The following HNRNPU variants were observed in gnomAD, a reference collection of about 807,000 sequenced individuals.
HNRNPU encodes heterogeneous nuclear ribonucleoprotein U, also known as HNRNPU antisense RNA 1.
In HNRNPU, 5 loss-of-function variants were observed where a neutral mutation model predicts 94.7. The observed-to-expected ratio is 0.05, with a 90% CI of 0.03 to 0.11. HNRNPU has a LOEUF of 0.11. HNRNPU is among the 10% of genes least tolerant of loss of function. HNRNPU has a pLI of 1.00. For missense variants in HNRNPU, 710 were observed against 1,049.2 expected (o/e 0.68, Z 4.47); for synonymous variants, 434 against 381.6 (o/e 1.14, Z -1.60).
intron 11 of HNRNPU, 117 bp from the exon 12 acceptor site, chr1:244,855,725 A>G: frequency 7.5e-7 from 1 of 1,325,368 alleles, no homozygotes; most frequent in Non-Finnish European, 1.0e-6. Flanking sequence ...AAGACAAAAG[A>G]AATGTTTAAT....
chr1:244,856,304 T>C, intron 10 of HNRNPU, 146 bp from the exon 11 acceptor site: 1 of 1,150,992 alleles, frequency 8.7e-7, no homozygotes. Context: ...CAACTGCAAT[T>C]TTAATTCCTG....
Position 244,853,496 on chromosome 1 carries a change from T to G in HNRNPU, c.*954A>C, listed in dbSNP as rs998164647. 1.3e-5 allele frequency: 2 copies of G among 152,564 alleles called. No homozygotes were observed. The highest frequency in any genetic ancestry group is 2.9e-5 in the Non-Finnish European group (2 of 67,996). 9.5% of individuals were successfully genotyped at this position (152,564 alleles called of 1,614,324 possible). A position where few individuals can be genotyped will look rare whatever the true frequency, so the allele number is the denominator to read the frequency against. On this transcript the variant is annotated 3_prime_UTR_variant, in exon 14 of 14. Coordinates refer to ENST00000640218, the MANE Select transcript of HNRNPU (RefSeq NM_031844.3). ...GCTAAGGAGATACCCATTCAAGAAC[T>G]GACATGATTAAAAATTAAGATATAA...
intron 6 of HNRNPU, 111 bp downstream of exon 6, chr1:244,858,618 G>C (rs1211952370): frequency 4.4e-6 from 3 of 676,614 alleles, no homozygotes; most frequent in Non-Finnish European, 7.9e-6. Context: ...TCCAGGGACT[G>C]GTGTATTTTG....
In HNRNPU at chr1:244,863,684, C is replaced by T. The variant is rs1372261485; in HGVS notation, c.624G>A (p.Gln208=). 1.2e-5 allele frequency: 18 copies of T among 1,563,940 alleles called. No homozygotes were observed. The highest frequency in any genetic ancestry group is 1.5e-5 in the Non-Finnish European group (17 of 1,164,544). Residue 208 remains glutamine (Q), a synonymous_variant, in exon 1 of 14, where the codon CAG becomes CAA. Coordinates refer to ENST00000640218, the MANE Select transcript of HNRNPU (RefSeq NM_031844.3). ...VAPPGARQGQ[Q]QAGGKKKAEG... Reference sequence around the variant, plus strand: ...CCGCCTTCTTCTTACCTCCCGCCTGCTGCTGGCCCTGCCTCGCCCCGGGCG... The same window carrying T: ...CCGCCTTCTTCTTACCTCCCGCCTGTTGCTGGCCCTGCCTCGCCCCGGGCG...
At chr1:244,859,446 T>C (rs1006931861) in intron 4 of HNRNPU, 72 bp from the exon 5 acceptor site, 11 of 741,294 alleles carry the variant, frequency 1.5e-5, no homozygotes, top group African/African-American at 3.5e-5. Context: ...GCATATTTCA[T>C]TGCGCCACGG....
rs777962801 is a variant in HNRNPU at position 244,858,776 on chromosome 1, C to G, written c.1183G>C (p.Asp395His). Residue 395 changes from aspartate (D) to histidine (H), a missense_variant, in exon 6 of 14, where the codon GAT becomes CAT. Around this residue, in one of 8 missense-constraint regions of HNRNPU, gnomAD observed 150 missense variants for 187.9 expected, o/e 0.80. Transcript: ENST00000640218. ...TTTTCATCAAACTTTTCTCCATAAT[C>G]TTCAGTCTCACAGTTGCATGTTTTT... ...GIKTCNCETE[D>H]YGEKFDENDV... 4.4e-5 allele frequency: 70 copies of G among 1,599,450 alleles called. No individual in the cohort carries two copies. The highest frequency in any genetic ancestry group is 5.9e-5 in the Non-Finnish European group (69 of 1,167,388).
chr1:244,852,140 T>C lies in HNRNPU; in HGVS notation c.*2310A>G, dbSNP rs928870559. On this transcript the variant is annotated 3_prime_UTR_variant, in exon 14 of 14. Transcript: ENST00000640218. ...TAAATCAGGTTTCTCGTTCGTATCTTACTTCTTACCTAATTTTCTCCCTGT... is the reference window on the plus strand; with the variant it reads ...TAAATCAGGTTTCTCGTTCGTATCTCACTTCTTACCTAATTTTCTCCCTGT... 4 of 152,234 alleles carry C rather than the reference T, an allele frequency of 2.6e-5. No individual in the cohort carries two copies. The highest frequency in any genetic ancestry group is 4.4e-5 in the Non-Finnish European group (3 of 68,038). 9.4% of individuals were successfully genotyped at this position (152,234 alleles called of 1,614,324 possible).
chr1:244,860,068 A>AC, intron 4 of HNRNPU: 1 of 351,402 alleles, frequency 2.8e-6, no homozygotes, highest in East Asian at 4.8e-5. Flanking sequence ...TGGGACGCCG[A>AC]GACAGTGGAT....
Position 244,850,602 on chromosome 1 carries a change from G to A in HNRNPU, c.*3848C>T, listed in dbSNP as rs1039056693. The A allele has an allele frequency of 5.3e-5, 8 of 152,156 alleles. No individual in the cohort carries two copies. Among genetic ancestry groups the A allele is most frequent in the Middle Eastern group, 3.4e-3 (1 of 294 alleles). 9.4% of individuals were successfully genotyped at this position (152,156 alleles called of 1,614,324 possible). On this transcript the variant is annotated 3_prime_UTR_variant, in exon 14 of 14. Transcript: ENST00000640218. ...ATTAGTAATTCAAATTACTGTTTTA[G>A]AGATCTCAGGTAGTTAACCAATTCT...
In HNRNPU at chr1:244,851,208, T is replaced by C. The variant is rs890820927; in HGVS notation, c.*3242A>G. 6 of 152,234 alleles carry C rather than the reference T, an allele frequency of 3.9e-5. No individual in the cohort carries two copies. In the East Asian group the frequency reaches 1.2e-3, roughly 29 times the overall value. The allele number at this position is 152,234 out of a possible 1,614,324, so 9.4% of individuals were successfully genotyped here. ...ATTTATTATATCCAATGCTAAACACTACCACTTGGACTCTAAGATATGTTT... is the reference window on the plus strand; with the variant it reads ...ATTTATTATATCCAATGCTAAACACCACCACTTGGACTCTAAGATATGTTT... On this transcript the variant is annotated 3_prime_UTR_variant, in exon 14 of 14. Transcript: ENST00000640218.
At chr1:244,863,432 A>G (rs1270712324) in intron 1 of HNRNPU, among the ~76,000 whole-genome samples, 185 bp downstream of exon 1, 13 of 140,886 alleles carry the variant, frequency 9.2e-5, no homozygotes, top group East Asian at 4.6e-4. Context: ...GCGCGCGCGC[A>G]CACACACGCC....
At chr1:244,855,169 A>C (rs1042832992) in intron 12 of HNRNPU, 125 bp from the exon 13 acceptor site, 1 of 787,558 alleles carries the variant, frequency 1.3e-6, no homozygotes, top group African/African-American at 1.7e-5. Context: ...AGCAATACAC[A>C]AATTCTGGAT....
At position 244,860,254 on chromosome 1, in the gene HNRNPU, T is replaced by G. The variant is rs903324149; in HGVS notation, c.1017+81A>C. ...ACGCGGAGGTTGCAGTGAGCCTAGGTCGCACCACGGCAATCCAGCCTAGGG... is the reference window on the plus strand; with the variant it reads ...ACGCGGAGGTTGCAGTGAGCCTAGGGCGCACCACGGCAATCCAGCCTAGGG... On this transcript the variant is annotated intron_variant, in intron 4 of 13. Coordinates refer to ENST00000640218, the MANE Select transcript of HNRNPU (RefSeq NM_031844.3). The G allele has an allele frequency of 5.5e-6, 7 of 1,274,468 alleles. No individual in the cohort carries two copies. In the Admixed American group the frequency reaches 1.3e-4, roughly 24 times the overall value. The allele number at this position is 1,274,468 out of a possible 1,614,324, so 78.9% of individuals were successfully genotyped here. A position where few individuals can be genotyped will look rare whatever the true frequency, so the allele number is the denominator to read the frequency against.
Position 244,864,373 on chromosome 1 carries a change from GGCGGCTGCT to G in HNRNPU, c.-75_-67del. 6 of 1,588,008 alleles carry G rather than the reference GGCGGCTGCT, an allele frequency of 3.8e-6. No individual in the cohort carries two copies. Among genetic ancestry groups the G allele is most frequent in the African/African-American group, 1.4e-5 (1 of 72,982 alleles). ...CGGCTCCGCTCACTCGGCCACTGGT[GGCGGCTGCT>G]GCGGCTGCTCCTCGGCCCGGGCGGC... On this transcript the variant is annotated 5_prime_UTR_variant, in exon 1 of 14. Transcript: ENST00000640218.
chr1:244,856,013 G>A lies in HNRNPU; in HGVS notation c.2058C>T (p.Gly686=). The change falls in exon 11 of 14, where the codon GGC becomes GGT. Residue 686 remains glycine (G), a synonymous_variant. Transcript: ENST00000640218. ...ALPPEKKQNT[G]SKKSNKNKSG... is the part of the protein sequence containing the mutation. ...TCTTATTTTTATTGCTTTTCTTTGA[G>A]CCAGTGTTCTGTTTCTTTTCTGGTG... 6.2e-7 allele frequency: 1 copy of A among 1,613,988 alleles called. No individual in the cohort carries two copies. Among genetic ancestry groups the A allele is most frequent in the Non-Finnish European group, 8.5e-7 (1 of 1,179,972 alleles).
chr1:244,860,285 A>T lies in HNRNPU; in HGVS notation c.1017+50T>A, dbSNP rs116724293. 7.1e-4 allele frequency: 1,089 copies of T among 1,542,230 alleles called. 9 individuals are homozygous for T. The African/African-American group carries it at 0.014, about 19-fold the overall frequency. On this transcript the variant is annotated intron_variant, in intron 4 of 13. Coordinates refer to ENST00000640218, the MANE Select transcript of HNRNPU (RefSeq NM_031844.3). ...CACGGCAATCCAGCCTAGGGAACAGAGTGAGACTGTCTCCACAAACAAACA... is the reference window on the plus strand; with the variant it reads ...CACGGCAATCCAGCCTAGGGAACAGTGTGAGACTGTCTCCACAAACAAACA...
In HNRNPU at chr1:244,863,722, C is replaced by G; in HGVS notation, c.586G>C (p.Val196Leu). 6.4e-7 allele frequency: 1 copy of G among 1,567,912 alleles called. No homozygotes were observed. ...CTCGCCCCGGGCGGCGCCACCGTCA[C>G]CGCGAACAGCGAGGTGGGGCCGCTG... ...KSSGPTSLFA[V>L]TVAPPGARQG... The change falls in exon 1 of 14, where the codon GTG becomes CTG. Residue 196 changes from valine (V) to leucine (L), a missense_variant. Physicochemically the swap from Val to Leu is conservative, Grantham distance 32. Coordinates refer to ENST00000640218, the MANE Select transcript of HNRNPU (RefSeq NM_031844.3).
chr1:244,857,422 T>C, intron 8 of HNRNPU, 176 bp downstream of exon 8: 1 of 609,646 alleles, frequency 1.6e-6, no homozygotes, highest in Non-Finnish European at 2.8e-6. Context: ...AATTTTTAAA[T>C]TTTTAGTAGG....
intron 3 of HNRNPU, 22 bp downstream of exon 3, chr1:244,862,439 G>T: frequency 2.9e-6 from 4 of 1,400,406 alleles, no homozygotes; most frequent in Non-Finnish European, 4.0e-6. Flanking sequence ...TTTCATAATT[G>T]GGGAGAAACA....
Sources: allele counts gnomAD v4.1 joint callset (sites outside exome capture counted in the v4.1 genomes callset), GRCh38; gene constraint gnomAD v4.1.1; regional missense constraint gnomAD v4.1.1; transcripts MANE v1.5; gene names NCBI Gene and HGNC (gene_info 2026-07-23, HGNC 2026-07-21).